Variants in XYLT1 observed in about 807,000 individuals in gnomAD.
XYLT1 encodes the protein beta-D-xylosyltransferase 1.
A neutral mutation model predicts 91.3 loss-of-function variants in XYLT1; 36 were observed. The observed-to-expected ratio is 0.39, with a 90% CI of 0.30 to 0.52. The LOEUF (loss-of-function observed/expected upper bound fraction) is 0.52, where lower values mean the gene tolerates loss of function less well. Ranked by LOEUF, XYLT1 falls within the 20% of genes least tolerant of loss-of-function variation. The pLI is 0.68. For missense variants in XYLT1, 1,242 were observed against 1,284.5 expected (o/e 0.97, Z 0.51); for synonymous variants, 588 against 532.0 (o/e 1.11, Z -1.45).
At chr16:17,388,776 TGATCAGAGAGTA>T (rs1034043230) in intron 1 of XYLT1, among the ~76,000 whole-genome samples, 4 of 152,216 alleles carry the variant, frequency 2.6e-5, no homozygotes, top group African/African-American at 9.6e-5. Flanking sequence ...AAGGATGGTA[TGATCAGAGAGTA>T]GATCAGAGAA....
At chr16:17,109,437 T>G (rs1442604428) in intron 11 of XYLT1, among the ~76,000 whole-genome samples, 1 of 152,174 alleles carries the variant, frequency 6.6e-6, no homozygotes, top group Non-Finnish European at 1.5e-5. Context: ...TTCTAGGTGG[T>G]GGAGCAAACC....
At chr16:17,118,674 C>T (rs1203477186) in intron 10 of XYLT1, among the ~76,000 whole-genome samples, 1 of 152,160 alleles carries the variant, frequency 6.6e-6, no homozygotes, top group Non-Finnish European at 1.5e-5. Context: ...CCTCCTTCCA[C>T]TTGTGCCACC....
intron 1 of XYLT1, among the ~76,000 whole-genome samples, chr16:17,419,796 G>A (rs2141920332): frequency 6.6e-6 from 1 of 152,262 alleles, no homozygotes; most frequent in Non-Finnish European, 1.5e-5. Flanking sequence ...TCTGTAAATT[G>A]AAAGAGAGGG....
intron 2 of XYLT1, among the ~76,000 whole-genome samples, chr16:17,330,422 G>A (rs985620108): frequency 2.6e-5 from 4 of 151,922 alleles, no homozygotes; most frequent in Non-Finnish European, 4.4e-5. Context: ...TCAAAGACCC[G>A]CATCGTTTCA....
intron 9 of XYLT1, among the ~76,000 whole-genome samples, chr16:17,129,050 G>T (rs1260302171): frequency 2.1e-5 from 3 of 140,932 alleles, no homozygotes; most frequent in Non-Finnish European, 4.5e-5. Flanking sequence ...CCTTGTTACT[G>T]GGATGCCTTC....
chr16:17,420,129 T>C (rs1410962985), intron 1 of XYLT1, among the ~76,000 whole-genome samples: 1 of 152,238 alleles, frequency 6.6e-6, no homozygotes, highest in Non-Finnish European at 1.5e-5. Flanking sequence ...GCTACCCACG[T>C]TATCCAAAAC....
At chr16:17,326,085 G>A (rs761918269) in intron 2 of XYLT1, among the ~76,000 whole-genome samples, 29 of 152,152 alleles carry the variant, frequency 1.9e-4, no homozygotes, top group Non-Finnish European at 1.6e-4. Flanking sequence ...GCACAGACTC[G>A]TGACACCATC....
At chr16:17,403,849 A>G (rs1247315083) in intron 1 of XYLT1, among the ~76,000 whole-genome samples, 1 of 152,192 alleles carries the variant, frequency 6.6e-6, no homozygotes, top group Non-Finnish European at 1.5e-5. Context: ...ACAATTCTCC[A>G]TTGAGAGCCG....
chr16:17,292,952 G>A (rs1477200963), intron 2 of XYLT1, among the ~76,000 whole-genome samples: 1 of 152,148 alleles, frequency 6.6e-6, no homozygotes, highest in Non-Finnish European at 1.5e-5. Flanking sequence ...TCAGGAACCA[G>A]GACTCTGGCA....
At position 17,259,406 on chromosome 16, in the gene XYLT1, G is replaced by A; in HGVS notation, c.495C>T (p.Asn165=). Residue 165 remains asparagine, a synonymous_variant, in exon 3 of 12, where the codon AAC becomes AAT. Coordinates refer to ENST00000261381, the MANE Select transcript of XYLT1 (RefSeq NM_022166.4). ...SVPKDFENVD[N]SNFAPRTQKQ... ...TTTGAGTCCTGGGTGCGAAGTTGCTGTTGTCGACATTCTCAAAGTCTTTGG... is the reference window on the plus strand; with the variant it reads ...TTTGAGTCCTGGGTGCGAAGTTGCTATTGTCGACATTCTCAAAGTCTTTGG... The A allele has an allele frequency of 6.2e-7, 1 of 1,614,134 alleles. No homozygotes were observed.
intron 8 of XYLT1, among the ~76,000 whole-genome samples, chr16:17,135,979 C>T (rs1213820841): frequency 1.8e-4 from 28 of 152,088 alleles, no homozygotes; most frequent in African/African-American, 4.8e-5. Flanking sequence ...TGTAGGGCTG[C>T]GGAGACAAAT....
intron 11 of XYLT1, among the ~76,000 whole-genome samples, chr16:17,111,028 C>T (rs1460023962): frequency 6.6e-6 from 1 of 152,120 alleles, no homozygotes; most frequent in African/African-American, 2.4e-5. Flanking sequence ...GGCGTGATGG[C>T]TGATGCCTGT....
intron 8 of XYLT1, chr16:17,137,487 G>GCACT (rs781536668): frequency 2.0e-5 from 3 of 152,264 alleles, no homozygotes; most frequent in Non-Finnish European, 2.9e-5. Flanking sequence ...CCATTCAGTG[G>GCACT]CACTCATATT....
At chr16:17,118,007 C>T (rs1270143422) in intron 10 of XYLT1, 28 bp from the exon 11 acceptor site, 1 of 1,590,386 alleles carries the variant, frequency 6.3e-7, no homozygotes, top group Non-Finnish European at 8.6e-7. Context: ...ATTCTGAAGT[C>T]ACTGGGCCTG....
intron 2 of XYLT1, among the ~76,000 whole-genome samples, chr16:17,313,592 C>T (rs1424972025): frequency 2.0e-5 from 3 of 151,984 alleles, no homozygotes; most frequent in Admixed American, 6.6e-5. Context: ...TGGGTGAATT[C>T]TTTCCTTCAA....
At chr16:17,247,091 C>G (rs1428097020) in intron 3 of XYLT1, among the ~76,000 whole-genome samples, 2 of 151,352 alleles carry the variant, frequency 1.3e-5, no homozygotes, top group Non-Finnish European at 3.0e-5. Context: ...GTTTTGTTGA[C>G]TTATGCAGAA....
chr16:17,398,146 C>A (rs759798296), intron 1 of XYLT1, among the ~76,000 whole-genome samples: 26 of 152,118 alleles, frequency 1.7e-4, no homozygotes, highest in Non-Finnish European at 3.7e-4. Context: ...GGCATATGGT[C>A]ACCAAAGGAC....
Position 17,470,578 on chromosome 16 carries a change from C to G in XYLT1, c.219G>C (p.Glu73Asp), listed in dbSNP as rs2036974807. 1 of 1,197,698 alleles carries G rather than the reference C, an allele frequency of 8.3e-7. No individual in the cohort carries two copies. The highest frequency in any genetic ancestry group is 1.6e-5 in the African/African-American group (1 of 62,596). 74.2% of individuals were successfully genotyped at this position (1,197,698 alleles called of 1,614,324 possible). A position where few individuals can be genotyped will look rare whatever the true frequency, so the allele number is the denominator to read the frequency against. ...CTCCTCCTCCTCGGGCTGCAGCCGGCTCGGCGGGCAGGTCCCGGCGCTCCC... is the reference window on the plus strand; with the variant it reads ...CTCCTCCTCCTCGGGCTGCAGCCGGGTCGGCGGGCAGGTCCCGGCGCTCCC... Reference protein sequence around the residue: ...PRRERRDLPAEPAAARGGGGG... With the variant: ...PRRERRDLPADPAAARGGGGG... Residue 73 changes from glutamate (E) to aspartate (D), a missense_variant, in exon 1 of 12, where the codon GAG becomes GAC. By Grantham distance (45) the Glu-to-Asp change is conservative. Around this residue, in one of 3 missense-constraint regions of XYLT1, gnomAD observed 437 missense variants for 411.5 expected, o/e 1.06. Transcript: ENST00000261381.
chr16:17,462,755 T>G (rs1284725002), intron 1 of XYLT1, among the ~76,000 whole-genome samples: 1 of 152,152 alleles, frequency 6.6e-6, no homozygotes, highest in East Asian at 1.9e-4. Flanking sequence ...CCTCCTCCGC[T>G]TCTCCCTTGG....
Sources: gnomAD v4.1 joint callset for allele counts (sites outside exome capture counted in the v4.1 genomes callset) on GRCh38, gnomAD v4.1.1 for gene constraint, gnomAD v4.1.1 regional missense constraint, MANE v1.5 for transcripts, NCBI Gene and HGNC (gene_info 2026-07-23, HGNC 2026-07-21) for gene names.